POLA2: variants seen among roughly 807,000 people sequenced by gnomAD.
The protein encoded by POLA2 is DNA polymerase alpha subunit B.
In POLA2, 47 loss-of-function variants were observed where a neutral mutation model predicts 82.8. The ratio of observed to expected loss-of-function variants is 0.57; its 90% CI spans 0.45 to 0.72. The LOEUF is 0.72. Among genes scored for constraint, POLA2 ranks in the 30% least tolerant of loss-of-function variants. POLA2 has a pLI of 0.00. For missense variants in POLA2, 634 were observed against 728.1 expected, an observed-to-expected ratio of 0.87 and a Z score of 1.49; for synonymous variants, 287 against 286.8, an observed-to-expected ratio of 1.00 and a Z score of -0.01.
intron 11 of POLA2, among the ~76,000 whole-genome samples, chr11:65,288,520 T>G (rs1651957219): frequency 6.7e-6 from 1 of 148,516 alleles, no homozygotes; most frequent in South Asian, 2.1e-4. Flanking sequence ...TTGTTTTTTT[T>G]TTTTTTTTTG....
chr11:65,280,102 C>CT (rs1222686612), intron 7 of POLA2: 1 of 153,674 alleles, frequency 6.5e-6, no homozygotes, highest in East Asian at 1.9e-4. Flanking sequence ...TGCTTTCTCT[C>CT]TAGAATGTTT....
At chr11:65,264,466 A>G (rs1040209658) in intron 1 of POLA2, among the ~76,000 whole-genome samples, 1 of 152,080 alleles carries the variant, frequency 6.6e-6, no homozygotes. Context: ...TGGCCTCCCA[A>G]AGTGCTGGGA....
At chr11:65,287,137 A>T (rs1258520373) in intron 10 of POLA2, among the ~76,000 whole-genome samples, 1 of 152,110 alleles carries the variant, frequency 6.6e-6, no homozygotes, top group Non-Finnish European at 1.5e-5. Flanking sequence ...CCCCATGTAG[A>T]CTGCCTTGTG....
intron 4 of POLA2, among the ~76,000 whole-genome samples, chr11:65,269,463 G>A (rs929503247): frequency 3.3e-5 from 5 of 151,366 alleles, no homozygotes; most frequent in Non-Finnish European, 5.9e-5. Context: ...CTCCAGCCTG[G>A]GCGACAGAGC....
intron 4 of POLA2, among the ~76,000 whole-genome samples, chr11:65,275,366 CAAAAAAA>C (rs760641138): frequency 2.3e-5 from 2 of 85,806 alleles, no homozygotes; most frequent in East Asian, 3.2e-4. Flanking sequence ...GTTGATGAGT[CAAAAAAA>C]AAAAAAAAAA....
chr11:65,279,082 A>G (rs191132483), intron 6 of POLA2, among the ~76,000 whole-genome samples, 159 bp downstream of exon 6: 1 of 152,350 alleles, frequency 6.6e-6, no homozygotes, highest in Non-Finnish European at 1.5e-5. Flanking sequence ...ATGGAGGGAC[A>G]CGGGCAATAC....
At chr11:65,286,255 A>G (rs1949696170) in intron 10 of POLA2, among the ~76,000 whole-genome samples, 1 of 152,218 alleles carries the variant, frequency 6.6e-6, no homozygotes, top group African/African-American at 2.4e-5. Context: ...GCCATGAACC[A>G]GGGAATGCAG....
chr11:65,282,511 A>G lies in POLA2; in HGVS notation c.996A>G (p.Glu332=), dbSNP rs1310295577. The G allele has an allele frequency of 6.2e-6, 10 of 1,613,456 alleles. No homozygotes were observed. The South Asian group carries it at 7.7e-5, about 12-fold the overall frequency. Residue 332 remains glutamate (E), a synonymous_variant, in exon 10 of 18, where the codon GAA becomes GAG. Coordinates refer to ENST00000265465, the MANE Select transcript of POLA2 (RefSeq NM_002689.4). ...CACTTCCATTTTATCAGCCCACTGA[A>G]GAGGATGCAGGTGAGTTTCGGTTCA... ...GVPLPFYQPT[E]EDADFEQSMV... is the part of the protein sequence containing the mutation.
intron 16 of POLA2, 94 bp downstream of exon 16, chr11:65,295,693 C>A: frequency 7.5e-7 from 1 of 1,334,274 alleles, no homozygotes; most frequent in Non-Finnish European, 1.1e-6. Flanking sequence ...CACCAGGCTA[C>A]CAGCAGGGAA....
intron 4 of POLA2, among the ~76,000 whole-genome samples, chr11:65,271,064 T>C (rs1949516007): frequency 6.7e-6 from 1 of 149,576 alleles, no homozygotes; most frequent in African/African-American, 2.4e-5. Flanking sequence ...AACAAAGCCC[T>C]TCTTCTGTTT....
chr11:65,273,113 A>G (rs1007611864), intron 4 of POLA2, among the ~76,000 whole-genome samples: 2 of 152,082 alleles, frequency 1.3e-5, no homozygotes, highest in Non-Finnish European at 2.9e-5. Context: ...TGAGGTCAGG[A>G]GTTCGAGACC....
intron 17 of POLA2, among the ~76,000 whole-genome samples, 167 bp from the exon 18 acceptor site, chr11:65,296,948 CAAAAA>C (rs547282942): frequency 1.7e-5 from 1 of 58,038 alleles, no homozygotes; most frequent in Non-Finnish European, 3.7e-5. Context: ...GACTCCATCT[CAAAAA>C]AAAAAAAAAA....
At chr11:65,276,060 TC>T in intron 5 of POLA2, 62 bp downstream of exon 5, 1 of 885,400 alleles carries the variant, frequency 1.1e-6, no homozygotes, top group Non-Finnish European at 1.8e-6. Context: ...TCTCTGGCTA[TC>T]TGAGGAAGGC....
chr11:65,287,317 C>T (rs139698966), intron 10 of POLA2, among the ~76,000 whole-genome samples: 1 of 152,312 alleles, frequency 6.6e-6, no homozygotes, highest in East Asian at 1.9e-4. Flanking sequence ...CCACACTGGA[C>T]GACCAGACAT....
chr11:65,278,633 T>G, intron 5 of POLA2, 97 bp from the exon 6 acceptor site: 1 of 1,019,458 alleles, frequency 9.8e-7, no homozygotes, highest in South Asian at 1.6e-5. Context: ...GCCACCTTCC[T>G]TTTCTCCAGT....
At position 65,281,700 on chromosome 11, in the gene POLA2, G is replaced by T. The variant is rs768186519; in HGVS notation, c.931G>T (p.Gly311Cys). Residue 311 changes from glycine (G) to cysteine (C), a missense_variant, in exon 9 of 18, where the codon GGT becomes TGT. Transcript: ENST00000265465. ...AATTATGGAAGGAATCAACACCACTGGTAGGAAACTTGTTGCCACCAAACT... is the reference window on the plus strand; with the variant it reads ...AATTATGGAAGGAATCAACACCACTTGTAGGAAACTTGTTGCCACCAAACT... Reference protein sequence around the residue: ...VVIMEGINTTGRKLVATKLYE... With the variant: ...VVIMEGINTTCRKLVATKLYE... The T allele has an allele frequency of 2.5e-6, 4 of 1,613,938 alleles. No individual in the cohort carries two copies. In the South Asian group the frequency reaches 3.3e-5, roughly 13 times the overall value.
At chr11:65,265,245 G>C (rs1949446870) in intron 1 of POLA2, among the ~76,000 whole-genome samples, 1 of 150,806 alleles carries the variant, frequency 6.6e-6, no homozygotes, top group Non-Finnish European at 1.5e-5. Flanking sequence ...AAAAGGGGGG[G>C]GGCCTTGCCA....
chr11:65,262,462 A>C, intron 1 of POLA2, 91 bp downstream of exon 1: 1 of 1,005,924 alleles, frequency 9.9e-7, no homozygotes, highest in Non-Finnish European at 1.5e-6. Context: ...AGCGCTTCCA[A>C]TTTCCACTTC....
chr11:65,272,450 C>T (rs928392387), intron 4 of POLA2, among the ~76,000 whole-genome samples: 1 of 152,198 alleles, frequency 6.6e-6, no homozygotes, highest in African/African-American at 2.4e-5. Flanking sequence ...TAGCTTATCA[C>T]TATTAAATAT....
Sources: gnomAD v4.1 joint callset for allele counts (sites outside exome capture counted in the v4.1 genomes callset) on GRCh38, gnomAD v4.1.1 for gene constraint, MANE v1.5 for transcripts, NCBI Gene and HGNC (gene_info 2026-07-23, HGNC 2026-07-21) for gene names.